Variants in LCP1 observed in about 807,000 individuals in gnomAD.
LCP1 encodes plastin-2.
In LCP1, 23 loss-of-function variants were observed where a neutral mutation model predicts 72.0. That is an observed-to-expected ratio of 0.32 (90% CI 0.23 to 0.45). The LOEUF is 0.45. Among genes scored for constraint, LCP1 ranks in the 20% least tolerant of loss-of-function variants. The probability of loss-of-function intolerance (pLI) is 1.00; values close to 1 mark genes in which losing one functional copy is unlikely to be tolerated. For missense variants in LCP1, 571 were observed against 748.3 expected (o/e 0.76, Z 2.76); for synonymous variants, 245 against 275.4 (o/e 0.89, Z 1.09).
intron 1 of LCP1, among the ~76,000 whole-genome samples, chr13:46,177,535 G>A (rs918985840): frequency 6.6e-5 from 10 of 152,128 alleles, no homozygotes; most frequent in Non-Finnish European, 1.3e-4. Flanking sequence ...AGCTACTCGG[G>A]AGGCTGAGGC....
At chr13:46,174,847 A>G (rs898437322) in intron 1 of LCP1, among the ~76,000 whole-genome samples, 3 of 151,890 alleles carry the variant, frequency 2.0e-5, no homozygotes, top group South Asian at 2.1e-4. Context: ...AAAAAAAAAA[A>G]AAAAGAAAAA....
intron 6 of LCP1, among the ~76,000 whole-genome samples, chr13:46,154,195 C>A (rs2045786491): frequency 6.6e-6 from 1 of 152,100 alleles, no homozygotes; most frequent in East Asian, 1.9e-4. Flanking sequence ...TTACCATTTC[C>A]ATTTTTAAAG....
intron 13 of LCP1, among the ~76,000 whole-genome samples, chr13:46,138,313 T>C (rs1980832): frequency 0.29 from 43,431 of 152,110 alleles, 7,246 homozygotes; most frequent in African/African-American, 0.45. Flanking sequence ...TAGAACCAGC[T>C]GTAAATTTAA....
Position 46,127,440 on chromosome 13 carries a change from G to A in LCP1, c.*151C>T. 1.2e-6 allele frequency: 1 copy of A among 867,960 alleles called. No homozygotes were observed. Among genetic ancestry groups the A allele is most frequent in the Non-Finnish European group, 1.7e-6 (1 of 576,984 alleles). 53.8% of individuals were successfully genotyped at this position (867,960 alleles called of 1,614,324 possible). A position where few individuals can be genotyped will look rare whatever the true frequency, so the allele number is the denominator to read the frequency against. The stretch of plus-strand genomic sequence containing the variant: ...ATGAAGCACTTTTTGTTAAATACAG[G>A]AGAGGCTACTTGGCTGCACTAATAT... On this transcript the variant is annotated 3_prime_UTR_variant, in exon 16 of 16. Coordinates refer to ENST00000323076, the MANE Select transcript of LCP1 (RefSeq NM_002298.5).
At chr13:46,151,817 T>C (rs1278681108) in intron 7 of LCP1, among the ~76,000 whole-genome samples, 1 of 152,252 alleles carries the variant, frequency 6.6e-6, no homozygotes, top group Non-Finnish European at 1.5e-5. Flanking sequence ...AGATTTCATA[T>C]TGGTAGGATT....
In LCP1 at chr13:46,179,918, A is replaced by G. The variant is rs185665088; in HGVS notation, c.-25+2193T>C. Among the ~76,000 whole-genome samples the G allele has an allele frequency of 2.0e-5, 3 of 152,338 alleles. No individual in the cohort carries two copies. The East Asian group carries it at 5.8e-4, about 29-fold the overall frequency. ...ATTATTATATAAAACCTGCAATGGT[A>G]TCTCTTATTTATAAAAATAAAAATG... On this transcript the variant is annotated intron_variant, in intron 1 of 15. Transcript: ENST00000323076.
At chr13:46,155,335 A>G (rs9595423) in intron 5 of LCP1, among the ~76,000 whole-genome samples, 24 of 152,184 alleles carry the variant, frequency 1.6e-4, no homozygotes, top group Non-Finnish European at 3.4e-4. Flanking sequence ...AGCTAATCAT[A>G]TGATAACATT....
rs2045725574 is a variant in LCP1 at position 46,145,695 on chromosome 13, GTC to G, written c.1175-1177_1175-1176del. On this transcript the variant is annotated intron_variant, in intron 10 of 15. Transcript: ENST00000323076. ...GAGGCCGAGGCGGGCGGATCACGAG[GTC>G]AGGAGATCGAGACCATCCCGGCTAA... is the stretch of plus-strand genomic sequence containing the variant. Among the ~76,000 whole-genome samples the G allele has an allele frequency of 2.6e-5, 2 of 78,416 alleles. 1 individual carries two copies. The highest frequency in any genetic ancestry group is 1.4e-4 in the African/African-American group (2 of 14,640). 51.4% of individuals were successfully genotyped at this position (78,416 alleles called of 152,430 possible). A position where few individuals can be genotyped will look rare whatever the true frequency, so the allele number is the denominator to read the frequency against.
chr13:46,135,678 A>G (rs1344749880), intron 13 of LCP1, among the ~76,000 whole-genome samples: 8 of 151,458 alleles, frequency 5.3e-5, no homozygotes, highest in Admixed American at 5.3e-4. Flanking sequence ...CAAATCAATT[A>G]GCTCCTCTTC....
intron 4 of LCP1, among the ~76,000 whole-genome samples, chr13:46,157,915 C>T (rs962299416): frequency 4.6e-5 from 7 of 151,968 alleles, no homozygotes; most frequent in East Asian, 1.9e-4. Context: ...CCCAGTAGAA[C>T]GGGGTTTCAC....
At chr13:46,162,795 C>T (rs546467334) in intron 1 of LCP1, among the ~76,000 whole-genome samples, 384 of 152,134 alleles carry the variant, frequency 2.5e-3, no homozygotes, top group Non-Finnish European at 3.3e-3. Flanking sequence ...TCTGCCCCGC[C>T]GCCCCGTCTG....
At chr13:46,171,478 GT>G (rs1214347726) in intron 1 of LCP1, among the ~76,000 whole-genome samples, 2 of 152,202 alleles carry the variant, frequency 1.3e-5, no homozygotes, top group African/African-American at 4.8e-5. Context: ...TTTAAAGGAA[GT>G]ATTAAGAAGA....
chr13:46,156,073 TAA>T (rs1040976882), intron 5 of LCP1, among the ~76,000 whole-genome samples: 13 of 152,352 alleles, frequency 8.5e-5, no homozygotes, highest in Admixed American at 3.9e-4. Context: ...TGTCATCAGA[TAA>T]ACTTTTTAAT....
At chr13:46,158,431 C>T (rs1411343098) in intron 4 of LCP1, 91 bp downstream of exon 4, 3 of 1,454,218 alleles carry the variant, frequency 2.1e-6, no homozygotes, top group Non-Finnish European at 2.8e-6. Context: ...GCTGTGTTTG[C>T]TTCTGTCTTT....
chr13:46,159,494 T>C (rs1175063572), intron 2 of LCP1, 105 bp downstream of exon 2: 1 of 877,248 alleles, frequency 1.1e-6, no homozygotes, highest in African/African-American at 1.7e-5. Context: ...TACTGGTTTC[T>C]TGTCATCTCT....
intron 14 of LCP1, among the ~76,000 whole-genome samples, 154 bp from the exon 15 acceptor site, chr13:46,131,092 CTG>C (rs1179443288): frequency 6.6e-6 from 1 of 152,136 alleles, no homozygotes; most frequent in Admixed American, 6.5e-5. Flanking sequence ...TTCAAATAAA[CTG>C]TAGTTTCTGT....
At chr13:46,169,695 C>T (rs1003418456) in intron 1 of LCP1, 5 of 152,458 alleles carry the variant, frequency 3.3e-5, no homozygotes, top group African/African-American at 9.6e-5. Flanking sequence ...AGCCACCCTC[C>T]TGCCTCAGCC....
rs1326034543 is a variant in LCP1 at position 46,160,738 on chromosome 13, C to T, written c.-24-1052G>A. ...CTCCATGCCCCTAGCTAATCCACAC[C>T]AGCATGTTTCAAATCGGAGACCCAC... On this transcript the variant is annotated intron_variant, in intron 1 of 15. Transcript: ENST00000323076. Among the ~76,000 whole-genome samples the T allele has an allele frequency of 2.6e-5, 4 of 152,214 alleles. No homozygotes were observed. The East Asian group carries it at 7.7e-4, about 29-fold the overall frequency.
Position 46,147,053 on chromosome 13 carries a change from C to A in LCP1, c.1029G>T (p.Arg343Ser), listed in dbSNP as rs756268191. Residue 343 changes from arginine to serine, a missense_variant, in exon 10 of 16, where the codon AGG (arginine) becomes AGT (serine). Coordinates refer to ENST00000323076, the MANE Select transcript of LCP1 (RefSeq NM_002298.5). ...RAECMLQQAE[R>S]LGCRQFVTAT... ...CTGTGACAAACTGCCGGCAGCCCAG[C>A]CTCTCCGCCTGCTGCAGCATGCATT... The A allele has an allele frequency of 1.2e-6, 2 of 1,612,242 alleles. No individual in the cohort carries two copies. The highest frequency in any genetic ancestry group is 1.7e-6 in the Non-Finnish European group (2 of 1,179,262).
Sources: allele counts gnomAD v4.1 joint callset (sites outside exome capture counted in the v4.1 genomes callset), GRCh38; gene constraint gnomAD v4.1.1; transcripts MANE v1.5; gene names NCBI Gene and HGNC (gene_info 2026-07-23, HGNC 2026-07-21).